The following CCDC190 variants were observed in gnomAD, a reference collection of about 807,000 sequenced individuals.
CCDC190 encodes the protein coiled-coil domain containing 190.
In CCDC190, 10 loss-of-function variants were observed where a neutral mutation model predicts 13.1. The ratio of observed to expected loss-of-function variants is 0.77; its 90% CI spans 0.47 to 1.30. The LOEUF (loss-of-function observed/expected upper bound fraction) is 1.30. CCDC190 is among the 50% of genes most tolerant of loss of function. The pLI is 0.00. For missense variants in CCDC190, 375 were observed against 354.3 expected (o/e 1.06, Z -0.47); for synonymous variants, 136 against 127.2 (o/e 1.07, Z -0.47).
In CCDC190 at chr1:162,855,673, C is replaced by T. The variant is rs746883277; in HGVS notation, c.270G>A (p.Gln90=). ...RPEDVLVFSP[Q]GRQKHRAPQA... Reference sequence around the variant, plus strand: ...GTGGGGCTCTGTGCTTCTGCCTTCCCTGTGGTGAGAACACGAGAACATCTT... The same window carrying T: ...GTGGGGCTCTGTGCTTCTGCCTTCCTTGTGGTGAGAACACGAGAACATCTT... Residue 90 remains glutamine (Q), a synonymous_variant, in exon 3 of 4, where the codon CAG becomes CAA. Coordinates refer to ENST00000367912, the MANE Select transcript of CCDC190 (RefSeq NM_001394065.1). 2.0e-5 allele frequency: 32 copies of T among 1,613,684 alleles called. No homozygotes were observed. In the Admixed American group the frequency reaches 3.0e-4, roughly 15 times the overall value.
At chr1:162,859,366 CA>C in intron 2 of CCDC190, 93 bp downstream of exon 2, 9 of 1,141,558 alleles carry the variant, frequency 7.9e-6, no homozygotes, top group Non-Finnish European at 1.1e-5. Flanking sequence ...GCTGTCTTGG[CA>C]CTCAGAGCTC....
In CCDC190 at chr1:162,860,990, AG is replaced by A; in HGVS notation, c.-13+17del. On this transcript the variant is annotated intron_variant, in intron 1 of 3. Coordinates refer to ENST00000367912, the MANE Select transcript of CCDC190 (RefSeq NM_001394065.1). The stretch of plus-strand genomic sequence containing the variant: ...TATAACTAAACTTTTATTAAAGAAC[AG>A]GGCCAGTAGAACTTACCTCCAAATC... The A allele has an allele frequency of 1.0e-6, 1 of 980,426 alleles. No homozygotes were observed. Among genetic ancestry groups the A allele is most frequent in the Non-Finnish European group, 1.2e-6 (1 of 825,350 alleles). 60.7% of individuals were successfully genotyped at this position (980,426 alleles called of 1,614,324 possible). A position where few individuals can be genotyped will look rare whatever the true frequency, so the allele number is the denominator to read the frequency against.
chr1:162,854,320 T>C lies in CCDC190; in HGVS notation c.*445A>G. On this transcript the variant is annotated 3_prime_UTR_variant, in exon 4 of 4. Transcript: ENST00000367912. ...GTGTGGTTAAAGAGCAGATTTTCTT[T>C]ATAGACCATGTTACAGTACCTATTT... 1.0e-6 allele frequency: 1 copy of C among 987,574 alleles called. No homozygotes were observed. Among genetic ancestry groups the C allele is most frequent in the Non-Finnish European group, 1.2e-6 (1 of 831,348 alleles). The allele number at this position is 987,574 out of a possible 1,614,324, so 61.2% of individuals were successfully genotyped here. A position where few individuals can be genotyped will look rare whatever the true frequency, so the allele number is the denominator to read the frequency against.
intron 1 of CCDC190, among the ~76,000 whole-genome samples, chr1:162,860,514 A>G (rs1650470151): frequency 6.6e-6 from 1 of 152,062 alleles, no homozygotes; most frequent in Non-Finnish European, 1.5e-5. Context: ...TAAGAGCACA[A>G]CATGTGCTCA....
At chr1:162,863,257 G>T (rs1197738113), upstream of CCDC190, among the ~76,000 whole-genome samples, 1 of 152,146 alleles carries the variant, frequency 6.6e-6, no homozygotes, top group African/African-American at 2.4e-5. Flanking sequence ...TGGAATCAAA[G>T]AATCTGTCAT....
rs1650282188 is a variant in CCDC190 at position 162,855,769 on chromosome 1, A to G, written c.188-14T>C. The G allele has an allele frequency of 6.4e-7, 1 of 1,574,522 alleles. No homozygotes were observed. Among genetic ancestry groups the G allele is most frequent in the Non-Finnish European group, 8.6e-7 (1 of 1,157,344 alleles). On this transcript the variant is annotated splice_polypyrimidine_tract_variant and intron_variant, in intron 2 of 3. Transcript: ENST00000367912. ...TCTTCATGGTTTCTGCTTTGAGTTA[A>G]TTAAGAAGTGTTATGAGTTGGATTG...
At chr1:162,856,534 AC>A (rs988613535) in intron 2 of CCDC190, among the ~76,000 whole-genome samples, 1 of 152,188 alleles carries the variant, frequency 6.6e-6, no homozygotes, top group Admixed American at 6.5e-5. Context: ...GACTAAGTGG[AC>A]TTTTCACTTG....
At chr1:162,860,853 G>A (rs1008948966) in intron 1 of CCDC190, among the ~76,000 whole-genome samples, 155 bp downstream of exon 1, 3 of 152,056 alleles carry the variant, frequency 2.0e-5, no homozygotes, top group East Asian at 1.9e-4. Context: ...CACCACACTC[G>A]GCCGAGGTTT....
upstream of CCDC190, among the ~76,000 whole-genome samples, chr1:162,865,960 A>G (rs543456471): frequency 3.3e-5 from 5 of 152,234 alleles, no homozygotes; most frequent in African/African-American, 1.2e-4. Flanking sequence ...CACAGATGAC[A>G]TAATTTTCTG....
At chr1:162,861,359 G>A (rs1194395200), upstream of CCDC190, among the ~76,000 whole-genome samples, 1 of 152,098 alleles carries the variant, frequency 6.6e-6, no homozygotes, top group Non-Finnish European at 1.5e-5. Context: ...TGTGTCCATG[G>A]GAGCCAGGAA....
At chr1:162,866,151 T>C (rs1650697183), upstream of CCDC190, among the ~76,000 whole-genome samples, 2 of 152,142 alleles carry the variant, frequency 1.3e-5, no homozygotes, top group South Asian at 2.1e-4. Context: ...CAAAATGTTT[T>C]ATAGGGAGAT....
upstream of CCDC190, among the ~76,000 whole-genome samples, chr1:162,865,463 A>G (rs1476208696): frequency 1.3e-5 from 2 of 152,204 alleles, no homozygotes; most frequent in East Asian, 3.8e-4. Context: ...CACAAGGAAC[A>G]TTTATCAAGA....
rs535286324 is a variant in CCDC190, at chr1:162,854,273, G to A, written c.*492C>T. The A allele has an allele frequency of 4.1e-6, 4 of 985,400 alleles. No homozygotes were observed. Among genetic ancestry groups the A allele is most frequent in the Admixed American group, 6.1e-5 (1 of 16,282 alleles). The allele number at this position is 985,400 out of a possible 1,614,324, so 61.0% of individuals were successfully genotyped here. ...CTGTAAATAAAGGAAGGAAGGAAAG[G>A]GCTTCCAAAGAGAGCACGTGGGTGT... On this transcript the variant is annotated 3_prime_UTR_variant, in exon 4 of 4. Coordinates refer to ENST00000367912, the MANE Select transcript of CCDC190 (RefSeq NM_001394065.1).
chr1:162,856,986 C>T (rs1199448399), intron 2 of CCDC190, among the ~76,000 whole-genome samples: 1 of 152,136 alleles, frequency 6.6e-6, no homozygotes. Context: ...ATGAACATAT[C>T]TTTTCTCTGA....
rs902766374 is a variant in CCDC190 at position 162,855,153 on chromosome 1, C to A, written c.518G>T (p.Gly173Val). ...NPSKDVDPSKGISVPCQNQEV... is the reference protein window; with the variant it reads ...NPSKDVDPSKVISVPCQNQEV... The stretch of plus-strand genomic sequence containing the variant: ...TTGATTTTGGCATGGAACAGAGATG[C>A]CCTTGCTGGGGTCTACGTCCTTAGA... The change falls in exon 4 of 4, where the codon GGC (glycine) becomes GTC (valine). Residue 173 changes from glycine to valine, a missense_variant. By Grantham distance (109) the Gly-to-Val change is moderately radical (BLOSUM62 -3). Coordinates refer to ENST00000367912, the MANE Select transcript of CCDC190 (RefSeq NM_001394065.1). The A allele has an allele frequency of 1.2e-6, 2 of 1,613,928 alleles. No homozygotes were observed. The highest frequency in any genetic ancestry group is 1.1e-5 in the South Asian group (1 of 91,080).
At chr1:162,867,399 G>A (rs185400163) in intron 1 of CCDC190, among the ~76,000 whole-genome samples, 22 of 152,184 alleles carry the variant, frequency 1.4e-4, no homozygotes, top group Middle Eastern at 3.4e-3. Flanking sequence ...CCTTTTTACC[G>A]TTAGCACAAT....
chr1:162,862,620 A>G (rs1650559877), upstream of CCDC190, among the ~76,000 whole-genome samples: 1 of 152,202 alleles, frequency 6.6e-6, no homozygotes, highest in Non-Finnish European at 1.5e-5. Context: ...AGGACACGAG[A>G]ACACAAAGAA....
At position 162,854,740 on chromosome 1, in the gene CCDC190, G is replaced by A. The variant is rs1275196242; in HGVS notation, c.*25C>T. Reference sequence around the variant, plus strand: ...CATTTCCTTAGCAATAATGGCATATGTTATTGTCAGGCTATGTTAAACGGT... The same window carrying A: ...CATTTCCTTAGCAATAATGGCATATATTATTGTCAGGCTATGTTAAACGGT... On this transcript the variant is annotated 3_prime_UTR_variant, in exon 4 of 4. Transcript: ENST00000367912. 2 of 1,574,116 alleles carry A rather than the reference G, an allele frequency of 1.3e-6. No homozygotes were observed. Among genetic ancestry groups the A allele is most frequent in the East Asian group, 4.5e-5 (2 of 44,420 alleles).
upstream of CCDC190, among the ~76,000 whole-genome samples, chr1:162,862,039 G>A (rs1018793904): frequency 6.6e-6 from 1 of 152,056 alleles, no homozygotes; most frequent in Non-Finnish European, 1.5e-5. Context: ...CCTTTCTCAT[G>A]AGGTAATTCC....
Sources: allele counts gnomAD v4.1 joint callset (sites outside exome capture counted in the v4.1 genomes callset), GRCh38; gene constraint gnomAD v4.1.1; transcripts MANE v1.5; gene names NCBI Gene and HGNC (gene_info 2026-07-23, HGNC 2026-07-21).